The following LGR6 variants were observed in gnomAD, a reference collection of about 807,000 sequenced individuals.
The protein encoded by LGR6 is leucine rich repeat containing G protein-coupled receptor 6, also known as leucine-rich repeat-containing G protein-coupled receptor 6.
A neutral mutation model predicts 69.4 loss-of-function variants in LGR6; 45 were observed. The ratio of observed to expected loss-of-function variants is 0.65; its 90% confidence interval spans 0.51 to 0.83. LGR6 has a LOEUF of 0.83. LGR6 is among the 40% of genes least tolerant of loss of function. LGR6 has a pLI of 0.00. For missense variants in LGR6, 1,108 were observed against 1,246.7 expected, an observed-to-expected ratio of 0.89 and a Z score of 1.68; for synonymous variants, 538 against 555.0, an observed-to-expected ratio of 0.97 and a Z score of 0.43.
chr1:202,241,846 T>C (rs1662237832), intron 4 of LGR6, among the ~76,000 whole-genome samples: 1 of 151,896 alleles, frequency 6.6e-6, no homozygotes, highest in African/African-American at 2.4e-5. Flanking sequence ...AGGGGGGAAA[T>C]GCATAATGCG....
chr1:202,268,585 AAGTC>A lies in LGR6; in HGVS notation c.429-7718_429-7715del, dbSNP rs1274663109. Among the ~76,000 whole-genome samples the A allele has an allele frequency of 6.6e-6, 1 of 152,068 alleles. No individual in the cohort carries two copies. The highest frequency in any genetic ancestry group is 1.5e-5 in the Non-Finnish European group (1 of 68,008). On this transcript the variant is annotated intron_variant, in intron 4 of 17. Transcript: ENST00000367278. This position sits in a 1 kb window ranked among gnomAD's most constrained non-coding sequence, Gnocchi z 4.4. ...TCTCTCCCTTCCTGTGTTCAACTGA[AAGTC>A]AGCTATGTAGCCAAGTAGGGGTGGG...
intron 6 of LGR6, among the ~76,000 whole-genome samples, chr1:202,281,846 A>G (rs1451784818): frequency 6.6e-6 from 1 of 151,998 alleles, no homozygotes; most frequent in African/African-American, 2.4e-5. Flanking sequence ...GGGGTTTTCA[A>G]GAATCCGAAG....
rs527621168 is a variant in LGR6, at chr1:202,242,834, G to T, written c.428+6841G>T. 2.0e-5 allele frequency among the ~76,000 whole-genome samples: 3 copies of T among 152,284 alleles called. No homozygotes were observed. The East Asian group carries it at 5.8e-4, about 29-fold the overall frequency. On this transcript the variant is annotated intron_variant, in intron 4 of 17. Transcript: ENST00000367278. ...CTCATGCCTCTGATCGCCCTCCAAA[G>T]GACTATTGTACCCCCAGACTAATGC...
At chr1:202,262,025 T>G (rs1408669792) in intron 4 of LGR6, among the ~76,000 whole-genome samples, 2 of 152,180 alleles carry the variant, frequency 1.3e-5, no homozygotes, top group African/African-American at 2.4e-5. Flanking sequence ...TTTCTCCCAT[T>G]ATGTAGGTTG....
chr1:202,194,934 G>A (rs1050575851), intron 1 of LGR6, among the ~76,000 whole-genome samples: 22 of 152,182 alleles, frequency 1.4e-4, no homozygotes, highest in Admixed American at 1.2e-3. Context: ...GTGAGATGGC[G>A]CGTGAAGGGG....
rs761460371 is a variant in LGR6 at position 202,318,156 on chromosome 1, T to C, written c.1853T>C (p.Leu618Pro). 1.4e-5 allele frequency: 22 copies of C among 1,614,008 alleles called. No homozygotes were observed. The South Asian group carries it at 2.3e-4, about 17-fold the overall frequency. The change falls in exon 18 of 18, where the codon CTA (leucine) becomes CCA (proline). Residue 618 changes from leucine (L) to proline (P), a missense_variant. Leu to Pro is a moderately conservative substitution (Grantham distance 98). Coordinates refer to ENST00000367278, the MANE Select transcript of LGR6 (RefSeq NM_001017403.2). ...NTLTGISCGL[L>P]ASVDALTFGQ... ...TTGACTGGCATTTCCTGTGGCCTTC[T>C]AGCCTCAGTCGATGCCCTGACCTTT...
intron 3 of LGR6, among the ~76,000 whole-genome samples, chr1:202,234,209 T>C (rs10920369): frequency 0.6 from 90,906 of 152,142 alleles, 27,571 homozygotes; most frequent in East Asian, 0.81. Context: ...GGCCCTTCCC[T>C]TGTATGGCCC....
At chr1:202,270,978 C>A (rs1306209998) in intron 4 of LGR6, among the ~76,000 whole-genome samples, 1 of 152,206 alleles carries the variant, frequency 6.6e-6, no homozygotes, top group Non-Finnish European at 1.5e-5. Context: ...AGAGCCTAAG[C>A]AAGCCCGAAC....
At chr1:202,287,072 C>T (rs558212126) in intron 6 of LGR6, among the ~76,000 whole-genome samples, 18 of 152,126 alleles carry the variant, frequency 1.2e-4, no homozygotes, top group African/African-American at 2.4e-4. Flanking sequence ...CCACAGGTTC[C>T]GTAGTAGATG....
At chr1:202,307,898 G>C (rs1653379916) in intron 14 of LGR6, among the ~76,000 whole-genome samples, 1 of 152,152 alleles carries the variant, frequency 6.6e-6, no homozygotes, top group Admixed American at 6.5e-5. Context: ...TGGCTACATG[G>C]TCATTATGTC....
At chr1:202,206,889 T>TTTTATTTATTTA (rs139647235) in intron 1 of LGR6, among the ~76,000 whole-genome samples, 1 of 141,276 alleles carries the variant, frequency 7.1e-6, no homozygotes, top group Non-Finnish European at 1.5e-5. Flanking sequence ...CTGCAAATTA[T>TTTTATTTATTTA]TTTATTTATT....
intron 1 of LGR6, among the ~76,000 whole-genome samples, chr1:202,210,175 C>T (rs12039517): frequency 0.14 from 20,693 of 152,042 alleles, 1,810 homozygotes; most frequent in East Asian, 0.35. Context: ...GAGGCCTCCC[C>T]TCTGTGTGCC....
chr1:202,318,301 G>A lies in LGR6; in HGVS notation c.1998G>A (p.Gln666=). The A allele has an allele frequency of 6.3e-7, 1 of 1,597,360 alleles. No individual in the cohort carries two copies. The highest frequency in any genetic ancestry group is 8.5e-7 in the Non-Finnish European group (1 of 1,170,988). Residue 666 remains glutamine, a synonymous_variant, in exon 18 of 18, where the codon CAG becomes CAA. Coordinates refer to ENST00000367278, the MANE Select transcript of LGR6 (RefSeq NM_001017403.2). The part of the protein sequence containing the change: ...SVLLLTLAAV[Q]CSVSVSCVRA... The stretch of plus-strand genomic sequence containing the variant: ...TGCTGCTCACTCTGGCCGCAGTGCA[G>A]TGCAGCGTCTCCGTCTCCTGTGTCC...
intron 1 of LGR6, among the ~76,000 whole-genome samples, chr1:202,224,516 A>T (rs1660373776): frequency 6.6e-6 from 1 of 152,156 alleles, no homozygotes; most frequent in African/African-American, 2.4e-5. Flanking sequence ...GGCACCAGGG[A>T]CCAGTTTCAT....
chr1:202,276,058 C>T (rs1226099124), intron 4 of LGR6, among the ~76,000 whole-genome samples: 4 of 152,118 alleles, frequency 2.6e-5, no homozygotes, highest in Admixed American at 6.5e-5. Flanking sequence ...TGTGCCACTG[C>T]ACTTCAGCCT....
chr1:202,319,405 G>A lies in LGR6; in HGVS notation c.*198G>A. 1.8e-6 allele frequency: 1 copy of A among 566,482 alleles called. No homozygotes were observed. The highest frequency in any genetic ancestry group is 3.0e-6 in the Non-Finnish European group (1 of 330,954). 35.1% of individuals were successfully genotyped at this position (566,482 alleles called of 1,614,324 possible). A position where few individuals can be genotyped will look rare whatever the true frequency, so the allele number is the denominator to read the frequency against. ...TGCCTCTTGGCCTGGCTTTCCCTTGGCCTTCCTCAGCTTCACCTTGATACT... is the reference window on the plus strand; with the variant it reads ...TGCCTCTTGGCCTGGCTTTCCCTTGACCTTCCTCAGCTTCACCTTGATACT... On this transcript the variant is annotated 3_prime_UTR_variant, in exon 18 of 18. Transcript: ENST00000367278.
rs552610324 is a variant in LGR6 at position 202,276,156 on chromosome 1, C to T, written c.429-150C>T. ...AGCCAAATATGGGAACTCGAAGAGG[C>T]GGGATACAGGATACATGGTGGCCAA... On this transcript the variant is annotated intron_variant, in intron 4 of 17. Transcript: ENST00000367278. 43 of 620,402 alleles carry T rather than the reference C, an allele frequency of 6.9e-5. 1 individual carries two copies. The highest frequency in any genetic ancestry group is 5.9e-4 in the East Asian group (22 of 37,332). 38.4% of individuals were successfully genotyped at this position (620,402 alleles called of 1,614,324 possible). A position where few individuals can be genotyped will look rare whatever the true frequency, so the allele number is the denominator to read the frequency against.
At chr1:202,279,488 GT>G (rs1235806807) in intron 5 of LGR6, among the ~76,000 whole-genome samples, 1 of 152,186 alleles carries the variant, frequency 6.6e-6, no homozygotes, top group African/African-American at 2.4e-5. Flanking sequence ...GCCTGAAGAT[GT>G]TTTTAAATTC....
rs370963905 is a variant in LGR6, at chr1:202,244,719, TC to T, written c.428+8729del. Among the ~76,000 whole-genome samples, 48 of 152,304 alleles carry T rather than the reference TC, an allele frequency of 3.2e-4. 1 individual carries two copies. In the East Asian group the frequency reaches 9.1e-3, roughly 29 times the overall value. Reference sequence around the variant, plus strand: ...GCAAAGGCCCCTTTTCTAAATAATGTCCCATTTACAGGTTCTGGAAGTTGTA... The same window carrying T: ...GCAAAGGCCCCTTTTCTAAATAATGTCCATTTACAGGTTCTGGAAGTTGTA... On this transcript the variant is annotated intron_variant, in intron 4 of 17. Coordinates refer to ENST00000367278, the MANE Select transcript of LGR6 (RefSeq NM_001017403.2).
Sources: gnomAD v4.1 joint callset for allele counts (sites outside exome capture counted in the v4.1 genomes callset) on GRCh38, gnomAD v4.1.1 for gene constraint, Gnocchi (gnomAD v3.1) non-coding constraint, MANE v1.5 for transcripts, NCBI Gene and HGNC (gene_info 2026-07-23, HGNC 2026-07-21) for gene names.